Variants in ITGB3BP observed in about 807,000 individuals in gnomAD.
ITGB3BP encodes integrin subunit beta 3 binding protein, also known as centromere protein R.
A neutral mutation model predicts 29.1 loss-of-function variants in ITGB3BP; 27 were observed. The observed-to-expected ratio is 0.93, with a 90% CI of 0.68 to 1.28. The LOEUF (loss-of-function observed/expected upper bound fraction) is 1.28, where lower values mean the gene tolerates loss of function less well. ITGB3BP is among the 50% of genes most tolerant of loss of function. The pLI, the probability that ITGB3BP is intolerant of heterozygous loss-of-function variation, is 0.00. For synonymous variants in ITGB3BP, 61 were observed against 61.4 expected (o/e 0.99, Z 0.03); for missense variants, 192 against 200.2 (o/e 0.96, Z 0.25).
intron 4 of ITGB3BP, among the ~76,000 whole-genome samples, chr1:63,465,499 C>T (rs1645084524): frequency 6.6e-6 from 1 of 151,130 alleles, no homozygotes; most frequent in South Asian, 2.1e-4. Flanking sequence ...CTGGAGTGAT[C>T]CTCCCATCTC....
chr1:63,449,554 C>A, intron 7 of ITGB3BP: 1 of 152,176 alleles, frequency 6.6e-6, no homozygotes, highest in East Asian at 1.9e-4. Flanking sequence ...AAAACAATGA[C>A]GAATCGTGTA....
chr1:63,493,296 T>C (rs370198463), intron 2 of ITGB3BP, among the ~76,000 whole-genome samples: 4 of 152,100 alleles, frequency 2.6e-5, no homozygotes, highest in Admixed American at 6.5e-5. Context: ...GCGCCTGTTG[T>C]CCTAGCTACT....
intron 4 of ITGB3BP, among the ~76,000 whole-genome samples, chr1:63,477,258 A>G (rs923410702): frequency 3.9e-5 from 6 of 152,236 alleles, no homozygotes; most frequent in African/African-American, 1.4e-4. Flanking sequence ...GTTCAGCTAT[A>G]TTATGAAATA....
chr1:63,520,153 G>A (rs1247085332), intron 1 of ITGB3BP, among the ~76,000 whole-genome samples: 1 of 152,098 alleles, frequency 6.6e-6, no homozygotes, highest in East Asian at 1.9e-4. Context: ...TACAGCAAGA[G>A]CTACTAAAAA....
chr1:63,453,950 A>C lies in ITGB3BP; in HGVS notation c.452T>G (p.Leu151Arg). 1 of 1,581,968 alleles carries C rather than the reference A, an allele frequency of 6.3e-7. No homozygotes were observed. The highest frequency in any genetic ancestry group is 8.6e-7 in the Non-Finnish European group (1 of 1,157,514). Reference protein sequence around the residue: ...ELMTKVNKQKLFEKSTGLPHK... With the variant: ...ELMTKVNKQKRFEKSTGLPHK... ...AGGAAGTCCTGTACTCTTTTCAAAC[A>C]GTTTTTGTTTATTCACTTTTGTCAC... is the stretch of plus-strand genomic sequence containing the variant. Residue 151 changes from leucine (L) to arginine (R), a missense_variant, in exon 7 of 9, where the codon CTG (leucine) becomes CGG (arginine). Coordinates refer to ENST00000271002, the MANE Select transcript of ITGB3BP (RefSeq NM_014288.5).
Position 63,490,130 on chromosome 1 carries a change from G to A in ITGB3BP, c.137C>T (p.Ser46Phe), listed in dbSNP as rs776661422. The stretch of plus-strand genomic sequence containing the variant: ...CTTTTGCTCTTCAGAACTTGTGGGA[G>A]AAGCAAATAGACTCATTTGACAAGT... Reference protein sequence around the residue: ...TGTCQMSLFASPTSSEEQKHR... With the variant: ...TGTCQMSLFAFPTSSEEQKHR... The change falls in exon 3 of 9, where the codon TCT (serine) becomes TTT (phenylalanine). Residue 46 changes from serine to phenylalanine, a missense_variant. Transcript: ENST00000271002. 1.2e-6 allele frequency: 2 copies of A among 1,609,712 alleles called. No homozygotes were observed. The highest frequency in any genetic ancestry group is 1.7e-6 in the Non-Finnish European group (2 of 1,176,624).
At chr1:63,479,811 T>C (rs1483423846) in intron 3 of ITGB3BP, among the ~76,000 whole-genome samples, 2 of 152,126 alleles carry the variant, frequency 1.3e-5, no homozygotes, top group South Asian at 2.1e-4. Context: ...TTCCACTGAG[T>C]ATATATACCA....
At chr1:63,510,179 A>T in intron 1 of ITGB3BP, 1 of 515,658 alleles carries the variant, frequency 1.9e-6, no homozygotes, top group Non-Finnish European at 3.5e-6. Flanking sequence ...AACGGGAGCA[A>T]AACTGTCTCA....
chr1:63,473,237 G>C (rs1439085320), intron 4 of ITGB3BP, among the ~76,000 whole-genome samples: 1 of 150,656 alleles, frequency 6.6e-6, no homozygotes, highest in Non-Finnish European at 1.5e-5. Flanking sequence ...CCCTCTGCCT[G>C]GCAACCGCCC....
At chr1:63,510,233 A>T in intron 1 of ITGB3BP, 1 of 480,016 alleles carries the variant, frequency 2.1e-6, no homozygotes, top group Admixed American at 3.5e-5. Flanking sequence ...ACTAAAGTTA[A>T]ACAGTACAGC....
Position 63,446,868 on chromosome 1 carries a change from A to T in ITGB3BP, c.485-12T>A, listed in dbSNP as rs372024731. 21 of 1,599,648 alleles carry T rather than the reference A, an allele frequency of 1.3e-5. No homozygotes were observed. The highest frequency in any genetic ancestry group is 1.8e-5 in the Non-Finnish European group (21 of 1,172,540). On this transcript the variant is annotated splice_polypyrimidine_tract_variant and intron_variant, in intron 7 of 8. Transcript: ENST00000271002. ...AAGATGACGTGATGCTATATGAAAG[A>T]AGAAAGGTTTTTTTTTTCAGAAAAC...
intron 4 of ITGB3BP, among the ~76,000 whole-genome samples, chr1:63,473,197 C>G (rs1317708676): frequency 1.3e-5 from 2 of 151,784 alleles, no homozygotes; most frequent in Admixed American, 6.5e-5. Context: ...AGCGTCTCTG[C>G]CCGGCCGCCC....
At chr1:63,494,828 A>G (rs923308888) in intron 2 of ITGB3BP, among the ~76,000 whole-genome samples, 1 of 152,138 alleles carries the variant, frequency 6.6e-6, no homozygotes, top group African/African-American at 2.4e-5. Context: ...TAAGAGACAA[A>G]GTCTTTCTCT....
chr1:63,527,778 TGTCTA>T (rs1396899286), upstream of ITGB3BP: 1 of 152,202 alleles, frequency 6.6e-6, no homozygotes, highest in African/African-American at 2.4e-5. Context: ...AAGTTGTTCT[TGTCTA>T]ATTACCAGTA....
intron 7 of ITGB3BP, chr1:63,452,102 A>G (rs1367804355): frequency 1.3e-5 from 2 of 152,198 alleles, no homozygotes; most frequent in Non-Finnish European, 2.9e-5. Flanking sequence ...CTGATCATGC[A>G]TAAACACACA....
chr1:63,490,006 C>T, intron 3 of ITGB3BP, 77 bp downstream of exon 3: 1 of 1,283,560 alleles, frequency 7.8e-7, no homozygotes, highest in Non-Finnish European at 1.1e-6. Context: ...AAGATCCATA[C>T]ATAATTAAAT....
chr1:63,469,515 G>A (rs937421224), intron 4 of ITGB3BP, among the ~76,000 whole-genome samples: 16 of 152,124 alleles, frequency 1.1e-4, no homozygotes, highest in Admixed American at 9.2e-4. Context: ...TACTAGAGAC[G>A]GGGTTTCTCC....
At chr1:63,473,274 T>C (rs1268281985) in intron 4 of ITGB3BP, among the ~76,000 whole-genome samples, 2 of 137,318 alleles carry the variant, frequency 1.5e-5, no homozygotes, top group African/African-American at 2.8e-5. Context: ...AGCCCCTCTG[T>C]CCGGCAGCCA....
chr1:63,460,891 A>G (rs1645005271), intron 4 of ITGB3BP, among the ~76,000 whole-genome samples: 1 of 152,052 alleles, frequency 6.6e-6, no homozygotes, highest in Non-Finnish European at 1.5e-5. Context: ...ATGACTAATG[A>G]TATTTAATAT....
Sources: gnomAD v4.1 joint callset for allele counts (sites outside exome capture counted in the v4.1 genomes callset) on GRCh38, gnomAD v4.1.1 for gene constraint, MANE v1.5 for transcripts, NCBI Gene and HGNC (gene_info 2026-07-23, HGNC 2026-07-21) for gene names.